ATP2C1: variants seen among roughly 807,000 people sequenced by gnomAD.
ATP2C1 encodes ATPase secretory pathway Ca2+ transporting 1.
ATP2C1 carries 31 observed loss-of-function variants against 120.5 expected under a neutral mutation model. The observed-to-expected ratio is 0.26, with a 90% CI of 0.19 to 0.35. The LOEUF (loss-of-function observed/expected upper bound fraction) is 0.35, where lower values mean the gene tolerates loss of function less well. Among genes scored for constraint, ATP2C1 ranks in the 10% least tolerant of loss-of-function variants. ATP2C1 has a pLI of 1.00. For missense variants in ATP2C1, 731 were observed against 1,107.5 expected (o/e 0.66, Z 4.83); for synonymous variants, 351 against 358.7 (o/e 0.98, Z 0.24).
Position 130,894,764 on chromosome 3 carries a change from T to C in ATP2C1, c.-6T>C. 1 of 1,614,212 alleles carries C rather than the reference T, an allele frequency of 6.2e-7. No individual in the cohort carries two copies. The highest frequency in any genetic ancestry group is 8.5e-7 in the Non-Finnish European group (1 of 1,180,024). ...GCCATCAACCCGAGTGCAGTTTCGA[T>C]GGAAAATGAAGGTAAAGGCCCCTGG... On this transcript the variant is annotated 5_prime_UTR_variant, in exon 2 of 28. It removes an upstream start codon present in the reference 5' UTR. Coordinates refer to ENST00000510168, the MANE Select transcript of ATP2C1 (RefSeq NM_001378687.1). The surrounding 1 kb of genome is among the most constrained non-coding windows in gnomAD (Gnocchi z 4.5).
At chr3:130,871,106 A>G (rs1403884130) in intron 1 of ATP2C1, among the ~76,000 whole-genome samples, 2 of 152,172 alleles carry the variant, frequency 1.3e-5, no homozygotes, top group Non-Finnish European at 1.5e-5. Context: ...AGGTATATAC[A>G]TTTTTTTAGA....
chr3:130,936,205 G>GT lies in ATP2C1; in HGVS notation c.325-1215dup, dbSNP rs532266272. On this transcript the variant is annotated intron_variant, in intron 5 of 27. Coordinates refer to ENST00000510168, the MANE Select transcript of ATP2C1 (RefSeq NM_001378687.1). ...TCAGTAGTGATTTCAACAAATGTGTGTTTTTTTTAAAAAAAAAATTGTTAC... is the reference window on the plus strand; with the variant it reads ...TCAGTAGTGATTTCAACAAATGTGTGTTTTTTTTTAAAAAAAAAATTGTTAC... 8.6e-3 allele frequency among the ~76,000 whole-genome samples: 1,294 copies of GT among 151,340 alleles called. 8 individuals carry two copies. The highest frequency in any genetic ancestry group is 0.013 in the Non-Finnish European group (892 of 67,882).
intron 1 of ATP2C1, among the ~76,000 whole-genome samples, chr3:130,864,066 A>C (rs1370571240): frequency 6.6e-6 from 1 of 152,208 alleles, no homozygotes; most frequent in Non-Finnish European, 1.5e-5. Context: ...GAAGACAGGA[A>C]AATTTGGGAA....
At chr3:130,992,861 A>T in intron 20 of ATP2C1, 90 bp from the exon 21 acceptor site, 1 of 1,028,300 alleles carries the variant, frequency 9.7e-7, no homozygotes, top group South Asian at 1.3e-5. Flanking sequence ...GCTTAAATTG[A>T]TGAGTTTTTC....
chr3:130,933,113 A>G (rs536630841), intron 4 of ATP2C1, among the ~76,000 whole-genome samples: 1 of 152,328 alleles, frequency 6.6e-6, no homozygotes, highest in Admixed American at 6.5e-5. Flanking sequence ...CCTAGGCAGT[A>G]TGATTTAATG....
chr3:130,857,862 A>G (rs570623956), intron 1 of ATP2C1, among the ~76,000 whole-genome samples: 1 of 152,180 alleles, frequency 6.6e-6, no homozygotes, highest in South Asian at 2.1e-4. Flanking sequence ...ATCCCACAAT[A>G]GGCCGTTTGC....
intron 20 of ATP2C1, among the ~76,000 whole-genome samples, chr3:130,990,640 A>G (rs1336403223): frequency 6.6e-6 from 1 of 152,190 alleles, no homozygotes; most frequent in African/African-American, 2.4e-5. Context: ...CTTCTGTTTT[A>G]ACAGTGCCAC....
chr3:130,925,295 C>T (rs2059154033), intron 2 of ATP2C1, among the ~76,000 whole-genome samples: 1 of 152,152 alleles, frequency 6.6e-6, no homozygotes, highest in Non-Finnish European at 1.5e-5. Context: ...TCCCCTTTCC[C>T]CTAGGAATGG....
chr3:130,860,144 C>T (rs1483866278), intron 1 of ATP2C1, among the ~76,000 whole-genome samples: 1 of 152,110 alleles, frequency 6.6e-6, no homozygotes, highest in African/African-American at 2.4e-5. Flanking sequence ...AAGTGCAAAA[C>T]CCTTTTCTGT....
At chr3:130,895,976 T>A (rs2069593363) in intron 2 of ATP2C1, among the ~76,000 whole-genome samples, 1 of 152,176 alleles carries the variant, frequency 6.6e-6, no homozygotes, top group Non-Finnish European at 1.5e-5. Context: ...TTGAAAGCAG[T>A]GATGTTTTTG....
At chr3:130,947,208 C>T (rs928851572) in intron 8 of ATP2C1, among the ~76,000 whole-genome samples, 4 of 152,002 alleles carry the variant, frequency 2.6e-5, no homozygotes, top group Non-Finnish European at 2.9e-5. Flanking sequence ...CATACTTAAC[C>T]AGCTCTTAGA....
At chr3:130,979,865 T>G (rs745451109) in intron 19 of ATP2C1, among the ~76,000 whole-genome samples, 2 of 152,194 alleles carry the variant, frequency 1.3e-5, no homozygotes, top group Non-Finnish European at 2.9e-5. Context: ...TATTTAAGAT[T>G]ACCGTAAGAA....
intron 6 of ATP2C1, among the ~76,000 whole-genome samples, chr3:130,940,292 A>G (rs1191274664): frequency 6.6e-6 from 1 of 152,224 alleles, no homozygotes; most frequent in Non-Finnish European, 1.5e-5. Context: ...TTAACATAAG[A>G]TTATCTAAAT....
At chr3:130,982,928 AT>A (rs1560010540) in intron 20 of ATP2C1, among the ~76,000 whole-genome samples, 1 of 152,328 alleles carries the variant, frequency 6.6e-6, no homozygotes, top group African/African-American at 2.4e-5. Context: ...ACTTAAAAAA[AT>A]GTGTTTAACA....
chr3:130,850,914 A>G lies in ATP2C1; in HGVS notation c.94A>G (p.Arg32Gly). Residue 32 changes from arginine to glycine, a missense_variant, in exon 1 of 27, where the codon AGA (arginine) becomes GGA (glycine). By Grantham distance (125) the Arg-to-Gly change is moderately radical. Transcript: ENST00000504381. ...ATATTTATCGACGCTGAGAAACCAA[A>G]GAGCCGAAGAACAGGTATCATTTTG... is the stretch of plus-strand genomic sequence containing the variant. The G allele has an allele frequency of 4.3e-6, 6 of 1,407,602 alleles. No individual in the cohort carries two copies. In the South Asian group the frequency reaches 9.7e-5, roughly 23 times the overall value. 87.2% of individuals were successfully genotyped at this position (1,407,602 alleles called of 1,614,324 possible). A position where few individuals can be genotyped will look rare whatever the true frequency, so the allele number is the denominator to read the frequency against.
At chr3:130,876,103 C>CT (rs1222861108) in intron 1 of ATP2C1, among the ~76,000 whole-genome samples, 4 of 151,700 alleles carry the variant, frequency 2.6e-5, no homozygotes, top group Non-Finnish European at 5.9e-5. Context: ...TGATGATACT[C>CT]TTTGTTGTGC....
At chr3:130,980,831 C>T (rs558014935) in intron 20 of ATP2C1, 152 bp downstream of exon 20, 250 of 660,334 alleles carry the variant, frequency 3.8e-4, no homozygotes, top group Non-Finnish European at 6.0e-4. Context: ...GAAGTCTTAT[C>T]ATTGAATTAG....
intron 20 of ATP2C1, among the ~76,000 whole-genome samples, chr3:130,987,525 C>G (rs1157644806): frequency 6.6e-6 from 1 of 151,970 alleles, no homozygotes; most frequent in East Asian, 1.9e-4. Flanking sequence ...GAGATGGGGT[C>G]TTGCTGTGTT....
intron 16 of ATP2C1, 42 bp downstream of exon 16, chr3:130,967,461 C>T: frequency 1.3e-6 from 2 of 1,501,990 alleles, no homozygotes; most frequent in Non-Finnish European, 9.3e-7. Context: ...TGAGACACTG[C>T]CCTCACAACA....
Sources: allele counts gnomAD v4.1 joint callset (sites outside exome capture counted in the v4.1 genomes callset), GRCh38; gene constraint gnomAD v4.1.1; non-coding constraint Gnocchi (gnomAD v3.1); transcripts MANE v1.5; gene names NCBI Gene and HGNC (gene_info 2026-07-23, HGNC 2026-07-21).